Variants in ANK3 observed in about 807,000 individuals in gnomAD.
ANK3 encodes ankyrin-3.
A neutral mutation model predicts 370.9 loss-of-function variants in ANK3; 57 were observed. That is an observed-to-expected ratio of 0.15 (90% CI 0.12 to 0.19). The LOEUF is 0.19. Ranked by LOEUF, ANK3 falls within the 10% of genes least tolerant of loss-of-function variation. The probability of loss-of-function intolerance (pLI) is 1.00; values close to 1 mark genes in which losing one functional copy is unlikely to be tolerated. For synonymous variants in ANK3, 1,929 were observed against 1,946.3 expected (o/e 0.99, Z 0.23); for missense variants, 4,439 against 5,302.1 (o/e 0.84, Z 5.06).
intron 1 of ANK3, among the ~76,000 whole-genome samples, chr10:60,678,168 T>A (rs2079150881): frequency 6.6e-6 from 1 of 152,230 alleles, no homozygotes; most frequent in Non-Finnish European, 1.5e-5. Flanking sequence ...AGCTTGAATA[T>A]TTCAAAACCA....
intron 2 of ANK3, among the ~76,000 whole-genome samples, chr10:60,429,855 A>G (rs557660914): frequency 1.3e-5 from 2 of 152,368 alleles, no homozygotes; most frequent in South Asian, 4.1e-4. Context: ...TCAGTAAGTC[A>G]TCACTTTGAA....
chr10:60,076,399 G>A lies in ANK3; in HGVS notation c.4482C>T (p.Tyr1494=). ...ATRSLPTTYS[Y]KPFFSTRPYQ... ...ATGGTCTTGTAGAAAAGAATGGCTT[G>A]TATGAGTAAGTGGTGGGGAGGGATC... The change falls in exon 37 of 44, where the codon TAC becomes TAT. Residue 1494 remains tyrosine, a synonymous_variant. Coordinates refer to ENST00000280772, the MANE Select transcript of ANK3 (RefSeq NM_020987.5). 1 of 1,611,042 alleles carries A rather than the reference G, an allele frequency of 6.2e-7. No homozygotes were observed.
chr10:60,298,047 A>G (rs1168972879), intron 1 of ANK3, among the ~76,000 whole-genome samples: 2 of 152,164 alleles, frequency 1.3e-5, no homozygotes, highest in Non-Finnish European at 2.9e-5. Flanking sequence ...AAGATTTTCT[A>G]TTTGGCATTA....
At chr10:60,495,900 G>C (rs2075642403) in intron 2 of ANK3, among the ~76,000 whole-genome samples, 1 of 151,976 alleles carries the variant, frequency 6.6e-6, no homozygotes, top group Admixed American at 6.6e-5. Flanking sequence ...TCCCTATTCA[G>C]AAAGGCATTT....
intron 1 of ANK3, among the ~76,000 whole-genome samples, chr10:60,315,314 A>T (rs1316743658): frequency 6.6e-6 from 1 of 152,214 alleles, no homozygotes; most frequent in Non-Finnish European, 1.5e-5. Flanking sequence ...TCTTCTTGAA[A>T]GTATTTTTAT....
chr10:60,427,163 T>C lies in ANK3; in HGVS notation c.97-147524A>G, dbSNP rs144863222. Reference sequence around the variant, plus strand: ...AATATTTATACCCAACATTCCAATTTAGGTAATTAATTCAACAAAATGCTA... The same window carrying C: ...AATATTTATACCCAACATTCCAATTCAGGTAATTAATTCAACAAAATGCTA... On this transcript the variant is annotated intron_variant, in intron 2 of 43. Transcript: ENST00000373827. Among the ~76,000 whole-genome samples the C allele has an allele frequency of 1.6e-3, 245 of 152,214 alleles. 1 individual carries two copies. The highest frequency in any genetic ancestry group is 5.6e-3 in the African/African-American group (233 of 41,546).
chr10:60,223,719 ATT>A (rs2097097474), intron 8 of ANK3, among the ~76,000 whole-genome samples: 2 of 152,104 alleles, frequency 1.3e-5, no homozygotes, highest in Admixed American at 1.3e-4. Context: ...AAAATACCTT[ATT>A]TTTCCAGAAA....
At chr10:60,352,170 T>C (rs766767420) in intron 1 of ANK3, among the ~76,000 whole-genome samples, 66 of 152,206 alleles carry the variant, frequency 4.3e-4, no homozygotes, top group Admixed American at 9.2e-4. Flanking sequence ...GGTGAGGTGC[T>C]TGCAAGTCCA....
At chr10:60,253,416 TC>T (rs1342113077) in intron 7 of ANK3, among the ~76,000 whole-genome samples, 2 of 152,136 alleles carry the variant, frequency 1.3e-5, no homozygotes, top group Admixed American at 1.3e-4. Context: ...GGAACATAGA[TC>T]CCACTCCACA....
chr10:60,159,849 T>A (rs2095448910), intron 23 of ANK3, among the ~76,000 whole-genome samples: 1 of 151,762 alleles, frequency 6.6e-6, no homozygotes, highest in Non-Finnish European at 1.5e-5. Flanking sequence ...AAAAAGAAAA[T>A]TTTTAAAATT....
At chr10:60,273,651 G>A (rs2098036939) in intron 4 of ANK3, among the ~76,000 whole-genome samples, 1 of 152,076 alleles carries the variant, frequency 6.6e-6, no homozygotes, top group Non-Finnish European at 1.5e-5. Context: ...ATATGATTTG[G>A]CTGTGTCCCC....
chr10:60,176,545 C>T (rs1470643227), intron 18 of ANK3, among the ~76,000 whole-genome samples: 1 of 151,948 alleles, frequency 6.6e-6, no homozygotes, highest in Non-Finnish European at 1.5e-5. Flanking sequence ...GCGGATCACC[C>T]GAGGTCAGGA....
intron 1 of ANK3, among the ~76,000 whole-genome samples, chr10:60,661,357 C>T (rs781402226): frequency 2.6e-5 from 4 of 152,028 alleles, no homozygotes; most frequent in African/African-American, 9.7e-5. Context: ...AGAAATAAAA[C>T]TACTGTAAAT....
intron 2 of ANK3, among the ~76,000 whole-genome samples, chr10:60,613,761 A>AC (rs1335224252): frequency 6.7e-6 from 1 of 149,600 alleles, no homozygotes; most frequent in Non-Finnish European, 1.5e-5. Flanking sequence ...AACAAAAACA[A>AC]AAAAAAAAAT....
intron 8 of ANK3, 79 bp downstream of exon 8, chr10:60,234,609 T>C: frequency 1.3e-6 from 1 of 784,986 alleles, no homozygotes; most frequent in East Asian, 2.6e-5. Flanking sequence ...GCTCATGTTG[T>C]ATCAGTGCAA....
intron 2 of ANK3, among the ~76,000 whole-genome samples, chr10:60,528,125 TTTC>T (rs574777147): frequency 0.074 from 10,047 of 136,620 alleles, 696 homozygotes; most frequent in South Asian, 0.17. Context: ...CTTTTTTTCT[TTTC>T]TTCTTCTTCT....
intron 2 of ANK3, among the ~76,000 whole-genome samples, chr10:60,440,464 C>T (rs1595039847): frequency 6.6e-6 from 1 of 152,100 alleles, no homozygotes; most frequent in Non-Finnish European, 1.5e-5. Flanking sequence ...GAGTTCTAAC[C>T]ACCAAACACT....
chr10:60,282,460 T>C (rs1182418780), intron 1 of ANK3, among the ~76,000 whole-genome samples: 1 of 152,132 alleles, frequency 6.6e-6, no homozygotes, highest in Admixed American at 6.6e-5. Flanking sequence ...CTGGATTCTT[T>C]TGAGACTAAT....
At chr10:60,714,969 T>G (rs1029879162) in intron 1 of ANK3, among the ~76,000 whole-genome samples, 1 of 152,218 alleles carries the variant, frequency 6.6e-6, no homozygotes, top group African/African-American at 2.4e-5. Flanking sequence ...TGAACACTGA[T>G]GTAAACTATG....
Sources: gnomAD v4.1 joint callset for allele counts (sites outside exome capture counted in the v4.1 genomes callset) on GRCh38, gnomAD v4.1.1 for gene constraint, MANE v1.5 for transcripts, NCBI Gene and HGNC (gene_info 2026-07-23, HGNC 2026-07-21) for gene names.